The following KHDRBS2 variants were observed in gnomAD, a reference collection of about 807,000 sequenced individuals.
KHDRBS2 encodes the protein KH RNA binding domain containing, signal transduction associated 2.
A neutral mutation model predicts 44.3 loss-of-function variants in KHDRBS2; 26 were observed. That is an observed-to-expected ratio of 0.59 (90% CI 0.43 to 0.81). The LOEUF (loss-of-function observed/expected upper bound fraction) is 0.81, where lower values mean the gene tolerates loss of function less well. Among genes scored for constraint, KHDRBS2 ranks in the 40% least tolerant of loss-of-function variants. KHDRBS2 has a pLI of 0.00. For missense variants in KHDRBS2, 476 were observed against 433.1 expected (o/e 1.10, Z -0.88); for synonymous variants, 194 against 151.1 (o/e 1.28, Z -2.08).
rs1562293674 is a variant in KHDRBS2, at chr6:61,848,493, A to ATATATATATATATATATGTATATATG, written c.810+46116_810+46141dup. 6.8e-4 allele frequency among the ~76,000 whole-genome samples: 33 copies of ATATATATATATATATATGTATATATG among 48,274 alleles called. 2 individuals are homozygous for ATATATATATATATATATGTATATATG. Among genetic ancestry groups the ATATATATATATATATATGTATATATG allele is most frequent in the South Asian group, 7.5e-4 (1 of 1,340 alleles). 31.7% of individuals were successfully genotyped at this position (48,274 alleles called of 152,430 possible). A position where few individuals can be genotyped will look rare whatever the true frequency, so the allele number is the denominator to read the frequency against. On this transcript the variant is annotated intron_variant, in intron 6 of 8. Transcript: ENST00000281156. ...TTTATATATATATATATATATATGT[A>ATATATATATATATATATGTATATATG]TATATATATATATATATGTATATAT...
At chr6:62,131,974 T>A (rs1810436706) in intron 2 of KHDRBS2, among the ~76,000 whole-genome samples, 1 of 152,176 alleles carries the variant, frequency 6.6e-6, no homozygotes, top group Non-Finnish European at 1.5e-5. Flanking sequence ...AAGTAGACAT[T>A]CTGGATAGAA....
the KHDRBS2 span, among the ~76,000 whole-genome samples, chr6:61,664,594 C>T: frequency 4.6e-5 from 7 of 151,620 alleles, no homozygotes; most frequent in Non-Finnish European, 1.0e-4. Flanking sequence ...TTTTACAGAT[C>T]AACATTAGGT....
chr6:61,691,691 CT>C (rs1471854582), intron 8 of KHDRBS2, among the ~76,000 whole-genome samples: 98 of 152,048 alleles, frequency 6.4e-4, no homozygotes, highest in Non-Finnish European at 1.3e-3. Context: ...AATAGACAGT[CT>C]TTGTTCTTGA....
chr6:61,791,131 C>A (rs192829632), intron 6 of KHDRBS2, among the ~76,000 whole-genome samples: 4 of 151,236 alleles, frequency 2.6e-5, no homozygotes, highest in Non-Finnish European at 5.9e-5. Context: ...GTGAGTTTTC[C>A]CTTTTTTTAT....
At chr6:61,860,906 G>C (rs1224861342) in intron 6 of KHDRBS2, among the ~76,000 whole-genome samples, 1 of 151,944 alleles carries the variant, frequency 6.6e-6, no homozygotes, top group African/African-American at 2.4e-5. Flanking sequence ...TTTAATAACA[G>C]ACATTCTGGC....
chr6:62,012,591 C>G (rs1028564785), intron 3 of KHDRBS2, among the ~76,000 whole-genome samples: 2 of 152,098 alleles, frequency 1.3e-5, no homozygotes, highest in African/African-American at 2.4e-5. Context: ...TTCAAGGAAA[C>G]TTAGTTAAAG....
chr6:61,765,121 A>G (rs1478097677), intron 6 of KHDRBS2, among the ~76,000 whole-genome samples: 1 of 152,144 alleles, frequency 6.6e-6, no homozygotes, highest in East Asian at 1.9e-4. Context: ...TGGTTTTAAA[A>G]TGTGGTTCAA....
chr6:61,688,773 T>G (rs1169577281), intron 8 of KHDRBS2, among the ~76,000 whole-genome samples: 3 of 151,968 alleles, frequency 2.0e-5, no homozygotes, highest in Non-Finnish European at 4.4e-5. Flanking sequence ...TTTTCCAGGT[T>G]GATAAATTGG....
intron 2 of KHDRBS2, among the ~76,000 whole-genome samples, chr6:62,090,051 T>C (rs1456988566): frequency 6.6e-6 from 1 of 152,124 alleles, no homozygotes; most frequent in African/African-American, 2.4e-5. Flanking sequence ...GAAAAAGCAT[T>C]AGTAAATGTG....
In KHDRBS2 at chr6:61,960,697, T is replaced by G. The variant is rs149802497; in HGVS notation, c.483+17369A>C. Among the ~76,000 whole-genome samples the G allele has an allele frequency of 2.3e-3, 357 of 152,270 alleles. 3 individuals carry two copies. Among genetic ancestry groups the G allele is most frequent in the African/African-American group, 8.1e-3 (335 of 41,570 alleles). ...TACAGATAAATTATTCTAAGCATTT[T>G]AACAAATTTCCTGCATGAAAATGAT... On this transcript the variant is annotated intron_variant, in intron 4 of 8. Coordinates refer to ENST00000281156, the MANE Select transcript of KHDRBS2 (RefSeq NM_152688.4).
chr6:61,848,179 T>A (rs984580559), intron 6 of KHDRBS2, among the ~76,000 whole-genome samples: 1 of 151,802 alleles, frequency 6.6e-6, no homozygotes, highest in Non-Finnish European at 1.5e-5. Flanking sequence ...GATAGTATTT[T>A]GGGGAAGTGG....
intron 3 of KHDRBS2, among the ~76,000 whole-genome samples, chr6:62,045,761 G>T (rs2127304309): frequency 6.6e-6 from 1 of 151,828 alleles, no homozygotes; most frequent in Non-Finnish European, 1.5e-5. Flanking sequence ...CTTCTTTCCT[G>T]TTTATGTCGT....
chr6:61,746,854 C>T (rs1431371354), intron 6 of KHDRBS2, among the ~76,000 whole-genome samples: 1 of 151,940 alleles, frequency 6.6e-6, no homozygotes, highest in Non-Finnish European at 1.5e-5. Context: ...AAAGCAATGG[C>T]AACAAAATCC....
the KHDRBS2 span, among the ~76,000 whole-genome samples, chr6:61,605,120 G>A: frequency 0.15 from 22,477 of 152,050 alleles, 2,093 homozygotes; most frequent in South Asian, 0.27. Context: ...CTGCGAATTC[G>A]GGCCTGTCCT....
chr6:62,009,566 T>C (rs1396066735), intron 3 of KHDRBS2, among the ~76,000 whole-genome samples: 2 of 152,144 alleles, frequency 1.3e-5, no homozygotes, highest in African/African-American at 4.8e-5. Context: ...GAGATCTTCA[T>C]GGCAGCCGCT....
chr6:62,173,018 C>T (rs1562999576), intron 2 of KHDRBS2, among the ~76,000 whole-genome samples: 1 of 151,706 alleles, frequency 6.6e-6, no homozygotes, highest in Non-Finnish European at 1.5e-5. Context: ...TAACATGACA[C>T]CTAGAGGAAG....
the KHDRBS2 span, among the ~76,000 whole-genome samples, chr6:61,650,885 CAT>C: frequency 6.6e-6 from 1 of 152,028 alleles, no homozygotes; most frequent in African/African-American, 2.4e-5. Context: ...ATTAACAGGA[CAT>C]AAAAATATCT....
At chr6:61,708,244 ACT>A (rs1461425718) in intron 7 of KHDRBS2, among the ~76,000 whole-genome samples, 1 of 151,620 alleles carries the variant, frequency 6.6e-6, no homozygotes, top group Admixed American at 6.6e-5. Flanking sequence ...TCCCTAAATA[ACT>A]TTTATTTTAC....
chr6:61,766,369 T>C (rs1231155725), intron 6 of KHDRBS2, among the ~76,000 whole-genome samples: 1 of 152,058 alleles, frequency 6.6e-6, no homozygotes, highest in Non-Finnish European at 1.5e-5. Context: ...TTCTCTCTTT[T>C]TACTTAGTCT....
Sources: gnomAD v4.1 joint callset for allele counts (sites outside exome capture counted in the v4.1 genomes callset) on GRCh38, gnomAD v4.1.1 for gene constraint, MANE v1.5 for transcripts, NCBI Gene and HGNC (gene_info 2026-07-23, HGNC 2026-07-21) for gene names.